PPARG: variants seen among roughly 807,000 people sequenced by gnomAD.
The protein encoded by PPARG is peroxisome proliferator activated receptor gamma.
PPARG carries 17 observed loss-of-function variants against 39.2 expected under a neutral mutation model. The observed-to-expected ratio is 0.43, with a 90% CI of 0.30 to 0.65. The LOEUF (loss-of-function observed/expected upper bound fraction) is 0.65, where lower values mean the gene tolerates loss of function less well. Ranked by LOEUF, PPARG falls within the 30% of genes least tolerant of loss-of-function variation. The pLI is 0.13. For synonymous variants in PPARG, 223 were observed against 215.7 expected (o/e 1.03, Z -0.30); for missense variants, 406 against 585.9 (o/e 0.69, Z 3.17).
intron 2 of PPARG, among the ~76,000 whole-genome samples, chr3:12,374,850 T>C (rs2049350505): frequency 6.6e-6 from 1 of 152,040 alleles, no homozygotes; most frequent in Non-Finnish European, 1.5e-5. Context: ...CTAAAACTGC[T>C]CTCACAAAAG....
rs535389307 is a variant in PPARG, at chr3:12,404,185, A to G, written c.530-1697A>G. On this transcript the variant is annotated intron_variant, in intron 5 of 7. Coordinates refer to ENST00000651735, the MANE Select transcript of PPARG (RefSeq NM_138711.6). ...AGGTTTCTATATGAAGAGGCCATGT[A>G]CCAAGGATATATTCACTAAAAGTAT... Among the ~76,000 whole-genome samples the G allele has an allele frequency of 3.3e-5, 5 of 152,330 alleles. No individual in the cohort carries two copies. In the South Asian group the frequency reaches 1.0e-3, roughly 32 times the overall value.
chr3:12,418,330 T>A (rs1305488190), intron 7 of PPARG, among the ~76,000 whole-genome samples: 1 of 152,230 alleles, frequency 6.6e-6, no homozygotes, highest in East Asian at 1.9e-4. Flanking sequence ...TCTCTCTGTA[T>A]AAAAATTGTT....
intron 1 of PPARG, among the ~76,000 whole-genome samples, chr3:12,307,483 C>T (rs1170191477): frequency 6.8e-6 from 1 of 147,410 alleles, no homozygotes; most frequent in Non-Finnish European, 1.5e-5. Flanking sequence ...AAGGTCAGTC[C>T]TATGTTTTTA....
rs199634723 is a variant in PPARG at position 12,326,726 on chromosome 3, G to GAT, written c.-9+14279_-9+14280dup. Among the ~76,000 whole-genome samples, 21 of 126,892 alleles carry GAT rather than the reference G, an allele frequency of 1.7e-4. 1 individual carries two copies. The highest frequency in any genetic ancestry group is 8.1e-4 in the African/African-American group (21 of 26,070). The allele number at this position is 126,892 out of a possible 152,430, so 83.2% of individuals were successfully genotyped here. A position where few individuals can be genotyped will look rare whatever the true frequency, so the allele number is the denominator to read the frequency against. On this transcript the variant is annotated intron_variant, in intron 2 of 7. Coordinates refer to ENST00000651735, the MANE Select transcript of PPARG (RefSeq NM_138711.6). ...AGATTTAGAGTATTTGTTTATGTGA[G>GAT]ATATATAAAAAAAAAAAGGAGATTT...
intron 7 of PPARG, among the ~76,000 whole-genome samples, chr3:12,421,576 A>G (rs539722004): frequency 3.3e-5 from 5 of 152,152 alleles, no homozygotes; most frequent in Non-Finnish European, 7.4e-5. Context: ...TCCAGCTGGA[A>G]CTCTGCAGCA....
chr3:12,390,833 T>C (rs2125208740), intron 4 of PPARG, among the ~76,000 whole-genome samples: 1 of 151,976 alleles, frequency 6.6e-6, no homozygotes, highest in East Asian at 1.9e-4. Context: ...TATTTTTTTA[T>C]AGAGACAAGG....
chr3:12,358,727 CA>C (rs1208416099), intron 2 of PPARG, among the ~76,000 whole-genome samples: 1 of 152,142 alleles, frequency 6.6e-6, no homozygotes, highest in Non-Finnish European at 1.5e-5. Flanking sequence ...TTGCCATTTA[CA>C]AAGAGTTCTG....
intron 4 of PPARG, among the ~76,000 whole-genome samples, chr3:12,386,302 ATCATGAAC>A (rs59975717): frequency 0.54 from 81,550 of 151,302 alleles, 22,641 homozygotes; most frequent in African/African-American, 0.68. Flanking sequence ...ACACTTGGTT[ATCATGAAC>A]TCGGTGTAAA....
At chr3:12,382,538 A>G (rs966655236) in intron 4 of PPARG, among the ~76,000 whole-genome samples, 7 of 152,332 alleles carry the variant, frequency 4.6e-5, no homozygotes, top group African/African-American at 1.7e-4. Context: ...GTTTTAGGAC[A>G]TCTTGGTTCC....
intron 1 of PPARG, among the ~76,000 whole-genome samples, chr3:12,311,841 C>A (rs1255988323): frequency 6.6e-6 from 1 of 152,180 alleles, no homozygotes; most frequent in African/African-American, 2.4e-5. Flanking sequence ...GGGTGTGCTG[C>A]ATTTGCCTTG....
chr3:12,399,840 A>T (rs2125236241), intron 5 of PPARG, among the ~76,000 whole-genome samples: 2 of 149,670 alleles, frequency 1.3e-5, no homozygotes, highest in East Asian at 4.0e-4. Context: ...AAAAAAAAAA[A>T]TTAGCTGGGC....
intron 7 of PPARG, among the ~76,000 whole-genome samples, chr3:12,418,966 C>T (rs556194738): frequency 3.2e-4 from 48 of 152,016 alleles, no homozygotes; most frequent in Middle Eastern, 6.8e-3. Flanking sequence ...GTTTTTGAGG[C>T]GAAGTCTCAC....
At chr3:12,429,063 CT>C (rs1423997879) in intron 7 of PPARG, among the ~76,000 whole-genome samples, 1 of 152,186 alleles carries the variant, frequency 6.6e-6, no homozygotes, top group Non-Finnish European at 1.5e-5. Context: ...TGCTGCCCTC[CT>C]TCCCTAAACC....
intron 2 of PPARG, among the ~76,000 whole-genome samples, chr3:12,328,879 A>T (rs904466235): frequency 2.6e-5 from 4 of 152,166 alleles, no homozygotes; most frequent in Admixed American, 6.5e-5. Context: ...CTGCCTAAAG[A>T]TTCCTTTCCC....
At chr3:12,314,092 C>T (rs2047323986) in intron 2 of PPARG, among the ~76,000 whole-genome samples, 1 of 152,124 alleles carries the variant, frequency 6.6e-6, no homozygotes, top group Non-Finnish European at 1.5e-5. Context: ...GACTGGCCAA[C>T]ATGGTGAAAC....
intron 1 of PPARG, among the ~76,000 whole-genome samples, chr3:12,296,201 G>A (rs1487254338): frequency 1.5e-5 from 2 of 134,278 alleles, no homozygotes; most frequent in Admixed American, 8.8e-5. Context: ...GCAGTGAGCC[G>A]AGAAGATTGT....
chr3:12,314,272 C>T (rs1297041536), intron 2 of PPARG, among the ~76,000 whole-genome samples: 1 of 145,892 alleles, frequency 6.9e-6, no homozygotes, highest in African/African-American at 2.5e-5. Flanking sequence ...AAGACTCCCT[C>T]TCAAAAAATT....
At position 12,379,871 on chromosome 3, in the gene PPARG, A is replaced by C. The variant is rs375156001; in HGVS notation, c.160A>C (p.Thr54Pro). The C allele has an allele frequency of 6.2e-6, 10 of 1,613,894 alleles. No individual in the cohort carries two copies. The highest frequency in any genetic ancestry group is 1.7e-4 in the Middle Eastern group (1 of 6,056). ...STPHYEDIPF[T>P]RTDPVVADYK... ...TCCACATTACGAAGACATTCCATTC[A>C]CAAGAACAGATCCAGTGGTTGCAGA... Residue 54 changes from threonine to proline, a missense_variant, in exon 3 of 8, where the codon ACA becomes CCA. Thr to Pro is a conservative substitution (Grantham distance 38). Around this residue, in one of 2 missense-constraint regions of PPARG, gnomAD observed 131 missense variants for 127.9 expected, o/e 1.02. Transcript: ENST00000651735.
At chr3:12,306,218 C>G (rs752509575) in intron 1 of PPARG, among the ~76,000 whole-genome samples, 5 of 152,172 alleles carry the variant, frequency 3.3e-5, no homozygotes, top group Non-Finnish European at 7.3e-5. Context: ...ACATAGATCC[C>G]TCACATGCAC....
Sources: gnomAD v4.1 joint callset for allele counts (sites outside exome capture counted in the v4.1 genomes callset) on GRCh38, gnomAD v4.1.1 for gene constraint, gnomAD v4.1.1 regional missense constraint, MANE v1.5 for transcripts, NCBI Gene and HGNC (gene_info 2026-07-23, HGNC 2026-07-21) for gene names.